DEPTOR: variants seen among roughly 807,000 people sequenced by gnomAD.
DEPTOR encodes the protein DEP domain-containing mTOR-interacting protein.
A neutral mutation model predicts 41.6 loss-of-function variants in DEPTOR; 41 were observed. The ratio of observed to expected loss-of-function variants is 0.98; its 90% CI spans 0.77 to 1.28. The LOEUF is 1.28. Ranked by LOEUF, DEPTOR falls within the 50% of genes most tolerant of loss-of-function variation. The pLI, the probability that DEPTOR is intolerant of heterozygous loss-of-function variation, is 0.00. For missense variants in DEPTOR, 514 were observed against 527.9 expected (o/e 0.97, Z 0.26); for synonymous variants, 195 against 192.3 (o/e 1.01, Z -0.12).
At chr8:120,007,062 G>A (rs59029393) in intron 7 of DEPTOR, among the ~76,000 whole-genome samples, 187 bp downstream of exon 7, 2 of 152,064 alleles carry the variant, frequency 1.3e-5, no homozygotes, top group African/African-American at 4.8e-5. Context: ...CTTCACATGC[G>A]TTATTATTAA....
At chr8:119,900,946 A>G (rs2129748566) in intron 1 of DEPTOR, among the ~76,000 whole-genome samples, 1 of 152,308 alleles carries the variant, frequency 6.6e-6, no homozygotes, top group South Asian at 2.1e-4. Flanking sequence ...AATATAAATA[A>G]ATGTGAAATG....
intron 1 of DEPTOR, chr8:119,891,269 GC>G (rs1293949133): frequency 6.6e-6 from 1 of 151,976 alleles, no homozygotes; most frequent in Non-Finnish European, 1.5e-5. Context: ...TCTACTCTGA[GC>G]TTTCACGATG....
chr8:119,946,812 G>A (rs1047518170), intron 3 of DEPTOR, among the ~76,000 whole-genome samples: 2 of 152,164 alleles, frequency 1.3e-5, no homozygotes, highest in Non-Finnish European at 2.9e-5. Context: ...TTTTGCATTG[G>A]TGTTAGTTTC....
At chr8:119,874,259 C>A (rs1202610937) in intron 1 of DEPTOR, 3 of 413,204 alleles carry the variant, frequency 7.3e-6, no homozygotes, top group Non-Finnish European at 1.3e-5. Flanking sequence ...TCCCTGCCAC[C>A]CACCGCGCTG....
At chr8:119,896,195 G>A (rs1827518207) in intron 1 of DEPTOR, among the ~76,000 whole-genome samples, 1 of 152,162 alleles carries the variant, frequency 6.6e-6, no homozygotes, top group African/African-American at 2.4e-5. Flanking sequence ...ACCAGTAGTG[G>A]CATGCAGTTT....
intron 1 of DEPTOR, among the ~76,000 whole-genome samples, chr8:119,906,335 G>C (rs1563962250): frequency 6.6e-6 from 1 of 151,586 alleles, no homozygotes; most frequent in Non-Finnish European, 1.5e-5. Flanking sequence ...GCATGTCTGT[G>C]GTCCCAGCTA....
chr8:120,024,259 A>G (rs1280569380), intron 8 of DEPTOR, among the ~76,000 whole-genome samples: 1 of 152,118 alleles, frequency 6.6e-6, no homozygotes, highest in Non-Finnish European at 1.5e-5. Context: ...ATAAACAAAA[A>G]TAAAAGACAC....
chr8:120,004,167 T>C (rs1346136072), intron 6 of DEPTOR, among the ~76,000 whole-genome samples: 1 of 152,266 alleles, frequency 6.6e-6, no homozygotes, highest in African/African-American at 2.4e-5. Context: ...TAAGCACTAA[T>C]TGATGCAGTT....
chr8:120,043,472 A>T (rs916795396), intron 8 of DEPTOR, among the ~76,000 whole-genome samples: 2 of 152,256 alleles, frequency 1.3e-5, no homozygotes, highest in Non-Finnish European at 2.9e-5. Flanking sequence ...AGCTGAAAGA[A>T]GCTAAACATC....
At chr8:119,902,417 G>A (rs1333236974) in intron 1 of DEPTOR, among the ~76,000 whole-genome samples, 1 of 152,034 alleles carries the variant, frequency 6.6e-6, no homozygotes, top group East Asian at 1.9e-4. Flanking sequence ...TCAGCTCACT[G>A]CAGCCTCTGC....
intron 1 of DEPTOR, among the ~76,000 whole-genome samples, chr8:119,890,619 A>G (rs1406806880): frequency 6.6e-6 from 1 of 152,120 alleles, no homozygotes; most frequent in East Asian, 1.9e-4. Flanking sequence ...TGAGTTTTGA[A>G]GAAATGCGAC....
intron 3 of DEPTOR, among the ~76,000 whole-genome samples, chr8:119,934,308 C>T (rs983991931): frequency 1.3e-5 from 2 of 152,162 alleles, no homozygotes; most frequent in Non-Finnish European, 2.9e-5. Flanking sequence ...CTCTAGTTAC[C>T]TTACTTGAGA....
rs193234363 is a variant in DEPTOR at position 120,006,519 on chromosome 8, C to T, written c.926-286C>T. On this transcript the variant is annotated intron_variant, in intron 6 of 8. Coordinates refer to ENST00000286234, the MANE Select transcript of DEPTOR (RefSeq NM_022783.4). Reference sequence around the variant, plus strand: ...ATCCTGGGTGACAAGGGCAAAACTCCGTCTTTAAAAAAAAAAAAAAATTGA... The same window carrying T: ...ATCCTGGGTGACAAGGGCAAAACTCTGTCTTTAAAAAAAAAAAAAAATTGA... Among the ~76,000 whole-genome samples the T allele has an allele frequency of 2.3e-3, 354 of 151,138 alleles. 1 individual carries two copies. The highest frequency in any genetic ancestry group is 7.9e-3 in the African/African-American group (325 of 41,200).
In DEPTOR at chr8:119,988,152, G is replaced by A. The variant is rs561846197; in HGVS notation, c.605-13373G>A. Among the ~76,000 whole-genome samples, 11 of 152,280 alleles carry A rather than the reference G, an allele frequency of 7.2e-5. No individual in the cohort carries two copies. The East Asian group carries it at 2.1e-3, about 29-fold the overall frequency. On this transcript the variant is annotated intron_variant, in intron 4 of 8. Transcript: ENST00000286234. ...AAACCCTGGTGGTGTAGGCACCCGA[G>A]GGAATCTCCTGGTCTGCGGGTTGTG...
At chr8:120,014,076 G>A (rs1039285337) in intron 8 of DEPTOR, among the ~76,000 whole-genome samples, 5 of 152,054 alleles carry the variant, frequency 3.3e-5, no homozygotes, top group Non-Finnish European at 7.4e-5. Flanking sequence ...TTGAATTTGA[G>A]CTACTCTTAT....
chr8:119,977,151 C>T lies in DEPTOR; in HGVS notation c.604+11741C>T, dbSNP rs62528697. On this transcript the variant is annotated intron_variant, in intron 4 of 8. Coordinates refer to ENST00000286234, the MANE Select transcript of DEPTOR (RefSeq NM_022783.4). ...AAGTAGCTAGAATTACAGGCACGTG[C>T]CACCACACCCAGCTAATTTTTTTGT... Among the ~76,000 whole-genome samples the T allele has an allele frequency of 6.2e-3, 942 of 152,238 alleles. 11 individuals carry two copies. The highest frequency in any genetic ancestry group is 0.022 in the African/African-American group (897 of 41,532).
At chr8:119,991,426 G>A (rs1812171058) in intron 4 of DEPTOR, among the ~76,000 whole-genome samples, 1 of 151,788 alleles carries the variant, frequency 6.6e-6, no homozygotes, top group African/African-American at 2.4e-5. Flanking sequence ...AGTGATTCTT[G>A]TGCTTCAGCC....
chr8:119,928,315 C>T, intron 1 of DEPTOR, 85 bp from the exon 2 acceptor site: 1 of 1,426,904 alleles, frequency 7.0e-7, no homozygotes, highest in Non-Finnish European at 9.6e-7. Flanking sequence ...TTTAGAACTT[C>T]TGTTATGTTA....
chr8:120,014,584 G>A (rs1812581929), intron 8 of DEPTOR, among the ~76,000 whole-genome samples: 1 of 151,928 alleles, frequency 6.6e-6, no homozygotes, highest in African/African-American at 2.4e-5. Flanking sequence ...CTGGAGTGCA[G>A]TGGTACAATC....
Sources: allele counts gnomAD v4.1 joint callset (sites outside exome capture counted in the v4.1 genomes callset), GRCh38; gene constraint gnomAD v4.1.1; transcripts MANE v1.5; gene names NCBI Gene and HGNC (gene_info 2026-07-23, HGNC 2026-07-21).